The following ERV3-1 variants were observed in gnomAD, a reference collection of about 807,000 sequenced individuals.
The protein encoded by ERV3-1 is endogenous retrovirus group 3 member 1 Env polyprotein.
In ERV3-1, 36 loss-of-function variants were observed where a neutral mutation model predicts 24.6. That is an observed-to-expected ratio of 1.47 (90% CI 1.12 to 1.94). The LOEUF (loss-of-function observed/expected upper bound fraction) is 1.94, where lower values mean the gene tolerates loss of function less well. ERV3-1 is among the 30% of genes most tolerant of loss of function. The probability of loss-of-function intolerance (pLI) is 0.00; values close to 1 mark genes in which losing one functional copy is unlikely to be tolerated. For missense variants in ERV3-1, 578 were observed against 330.9 expected, an observed-to-expected ratio of 1.75 and a Z score of -5.79; for synonymous variants, 211 against 122.6, an observed-to-expected ratio of 1.72 and a Z score of -4.76.
At position 64,993,314 on chromosome 7, in the gene ERV3-1, C is replaced by G. The variant is rs1786328697; in HGVS notation, c.-288G>C. The G allele has an allele frequency of 5.9e-6, 2 of 338,788 alleles. No homozygotes were observed. Among genetic ancestry groups the G allele is most frequent in the East Asian group, 1.1e-4 (2 of 18,490 alleles). The allele number at this position is 338,788 out of a possible 1,614,324, so 21.0% of individuals were successfully genotyped here. On this transcript the variant is annotated 5_prime_UTR_variant, in exon 2 of 2. The change abolishes the stop of an existing upstream ORF in the 5' untranslated region. Coordinates refer to ENST00000394323, the MANE Select transcript of ERV3-1 (RefSeq NM_001007253.4). Reference sequence around the variant, plus strand: ...TGGCACCTTGGTTCCATCGTAGGATCAGCTGGGTTGCATGGTCTAGGTCCT... The same window carrying G: ...TGGCACCTTGGTTCCATCGTAGGATGAGCTGGGTTGCATGGTCTAGGTCCT...
Position 64,993,020 on chromosome 7 carries a change from C to G in ERV3-1, c.7G>C (p.Gly3Arg), listed in dbSNP as rs1786318035. ML[G>R]MNMLLITLFL... ...AAAGTGATGAGTAGCATGTTCATAC[C>G]CAGCATGGACAGAAAAGGCTTTTTC... The change falls in exon 2 of 2, where the codon GGT becomes CGT. Residue 3 changes from glycine (G) to arginine (R), a missense_variant. By Grantham distance (125) the Gly-to-Arg change is moderately radical. Transcript: ENST00000394323. 1.3e-6 allele frequency: 1 copy of G among 744,262 alleles called. No individual in the cohort carries two copies. Among genetic ancestry groups the G allele is most frequent in the Admixed American group, 1.7e-5 (1 of 57,618 alleles). The allele number at this position is 744,262 out of a possible 1,614,324, so 46.1% of individuals were successfully genotyped here.
chr7:64,991,815 T>A lies in ERV3-1; in HGVS notation c.1212A>T (p.Gln404His). ...RFPSLNHSWYQLEAPNTWQAP... is the reference protein window; with the variant it reads ...RFPSLNHSWYHLEAPNTWQAP... ...CCTGCCAGGTATTTGGAGCTTCAAG[T>A]TGGTACCAAGAATGGTTTAAAGATG... Residue 404 changes from glutamine to histidine, a missense_variant, in exon 2 of 2, where the codon CAA (glutamine) becomes CAT (histidine). Transcript: ENST00000394323. 1 of 766,132 alleles carries A rather than the reference T, an allele frequency of 1.3e-6. No individual in the cohort carries two copies. Among genetic ancestry groups the A allele is most frequent in the Non-Finnish European group, 2.4e-6 (1 of 417,880 alleles). The allele number at this position is 766,132 out of a possible 1,614,324, so 47.5% of individuals were successfully genotyped here.
rs751380609 is a variant in ERV3-1, at chr7:64,992,234, A to G, written c.793T>C (p.Leu265=). The G allele has an allele frequency of 1.3e-5, 10 of 766,314 alleles. No homozygotes were observed. The highest frequency in any genetic ancestry group is 2.4e-5 in the Non-Finnish European group (10 of 417,874). The allele number at this position is 766,314 out of a possible 1,614,324, so 47.5% of individuals were successfully genotyped here. The change falls in exon 2 of 2, where the codon TTG becomes CTG. Residue 265 remains leucine (L), a synonymous_variant. Coordinates refer to ENST00000394323, the MANE Select transcript of ERV3-1 (RefSeq NM_001007253.4). ...ESFYEHVNQK[L]PEPPPLASNL... ...CTGGCCAAGGGAGGGGGCTCAGGCA[A>G]TTTCTGGTTAACATGCTCATAGAAT...
At chr7:64,994,635 T>G (rs1313171729) in intron 1 of ERV3-1, among the ~76,000 whole-genome samples, 1 of 152,248 alleles carries the variant, frequency 6.6e-6, no homozygotes, top group Admixed American at 6.5e-5. Context: ...CCATACAGCA[T>G]CTAAGAGCTG....
Position 64,991,351 on chromosome 7 carries a change from G to A in ERV3-1, c.1676C>T (p.Ala559Val). ...QNRLALDYLL[A>V]QEEGVCGKFN... is the part of the protein sequence containing the mutation. ...CTTTCCGCATACTCCCTCTTCCTGGGCTAGGAGGTAGTCTAAGGCCAGTCT... is the reference window on the plus strand; with the variant it reads ...CTTTCCGCATACTCCCTCTTCCTGGACTAGGAGGTAGTCTAAGGCCAGTCT... Residue 559 changes from alanine to valine, a missense_variant, in exon 2 of 2, where the codon GCC (alanine) becomes GTC (valine). Transcript: ENST00000394323. 1.4e-6 allele frequency: 1 copy of A among 704,674 alleles called. No homozygotes were observed. Among genetic ancestry groups the A allele is most frequent in the Admixed American group, 2.0e-5 (1 of 50,026 alleles). The allele number at this position is 704,674 out of a possible 1,614,324, so 43.7% of individuals were successfully genotyped here.
chr7:65,003,310 C>T (rs927276861), intron 1 of ERV3-1, among the ~76,000 whole-genome samples: 4 of 152,100 alleles, frequency 2.6e-5, no homozygotes, highest in South Asian at 4.1e-4. Flanking sequence ...GGTGAAACCT[C>T]GTCTCTACTA....
chr7:65,006,023 T>C (rs1786641477), intron 1 of ERV3-1: 1 of 156,874 alleles, frequency 6.4e-6, no homozygotes, highest in African/African-American at 2.4e-5. Context: ...TTTATAAAAG[T>C]GTTTTCTTCA....
At chr7:65,005,163 C>A in intron 1 of ERV3-1, 1 of 155,210 alleles carries the variant, frequency 6.4e-6, no homozygotes, top group South Asian at 1.9e-4. Flanking sequence ...CTCCCATTCC[C>A]AGATATGCGA....
chr7:64,992,464 A>G lies in ERV3-1; in HGVS notation c.563T>C (p.Leu188Ser), dbSNP rs770374389. 2.6e-6 allele frequency: 2 copies of G among 766,270 alleles called. No individual in the cohort carries two copies. Among genetic ancestry groups the G allele is most frequent in the African/African-American group, 3.4e-5 (2 of 59,186 alleles). 47.5% of individuals were successfully genotyped at this position (766,270 alleles called of 1,614,324 possible). ...LGPIMLTKIP[L>S]EPDCKTSTCN... ...AGTGCTTGTTTTACAATCTGGTTCT[A>G]ATGGTATTTTGGTAAGCATAATTGG... The change falls in exon 2 of 2, where the codon TTA becomes TCA. Residue 188 changes from leucine (L) to serine (S), a missense_variant. By Grantham distance (145) the Leu-to-Ser change is moderately radical (BLOSUM62 -2). Transcript: ENST00000394323.
Position 64,991,085 on chromosome 7 carries a change from T to G in ERV3-1, c.*127A>C. 1.7e-6 allele frequency: 1 copy of G among 590,766 alleles called. No homozygotes were observed. The highest frequency in any genetic ancestry group is 3.0e-6 in the Non-Finnish European group (1 of 331,848). The allele number at this position is 590,766 out of a possible 1,614,324, so 36.6% of individuals were successfully genotyped here. On this transcript the variant is annotated 3_prime_UTR_variant, in exon 2 of 2. Transcript: ENST00000394323. ...AGAGCCTCTATGGCTGTTTGGATAT[T>G]TTTGACAATGAGGGGTAAGAGACAA...
At position 64,991,009 on chromosome 7, in the gene ERV3-1, G is replaced by T; in HGVS notation, c.*203C>A. ...AGGAAGTAGCTCTTTTCTTGGCAGG[G>T]GTTAATACTTAGTTAGGGCCATTAG... On this transcript the variant is annotated 3_prime_UTR_variant, in exon 2 of 2. Transcript: ENST00000394323. The T allele has an allele frequency of 2.2e-6, 1 of 460,934 alleles. No homozygotes were observed. Among genetic ancestry groups the T allele is most frequent in the Non-Finnish European group, 3.8e-6 (1 of 261,250 alleles). The allele number at this position is 460,934 out of a possible 1,614,324, so 28.6% of individuals were successfully genotyped here.
chr7:65,006,479 C>T (rs543671749), intron 1 of ERV3-1, 62 bp downstream of exon 1: 74 of 1,560,092 alleles, frequency 4.7e-5, no homozygotes, highest in Admixed American at 6.7e-5. Flanking sequence ...GCCACAGCCA[C>T]TTCCCACCAG....
chr7:64,995,753 T>C (rs1007407774), intron 1 of ERV3-1, among the ~76,000 whole-genome samples: 1 of 152,266 alleles, frequency 6.6e-6, no homozygotes, highest in East Asian at 1.9e-4. Flanking sequence ...CTCTATACCC[T>C]GCTTTCCATA....
chr7:65,005,600 G>T (rs921742266), intron 1 of ERV3-1, among the ~76,000 whole-genome samples: 1 of 152,176 alleles, frequency 6.6e-6, no homozygotes, highest in Non-Finnish European at 1.5e-5. Flanking sequence ...TTAGGGAGGG[G>T]AAATTGGCAT....
chr7:65,004,775 C>T (rs1222330724), intron 1 of ERV3-1: 2 of 152,110 alleles, frequency 1.3e-5, no homozygotes, highest in Non-Finnish European at 2.9e-5. Flanking sequence ...CAGTGACCAC[C>T]CTCTCCAGAG....
chr7:64,996,094 C>T (rs767837390), intron 1 of ERV3-1, among the ~76,000 whole-genome samples: 1 of 152,112 alleles, frequency 6.6e-6, no homozygotes, highest in Non-Finnish European at 1.5e-5. Flanking sequence ...AGAATAAGTC[C>T]CATTAAAGTA....
At position 64,992,195 on chromosome 7, in the gene ERV3-1, G is replaced by A. The variant is rs749373701; in HGVS notation, c.832C>T (p.Gln278Ter). The part of the protein sequence containing the change: ...PPPLASNLFA[Q>*]LAENIASSLH... ...CTGCTGGCTATGTTTTCAGCCAGTT[G>A]GGCGAATAAATTACTGGCCAAGGGA... The change falls in exon 2 of 2, where the codon CAA becomes TAA. Residue 278 changes from glutamine to a stop codon, truncating the protein, a stop_gained. Coordinates refer to ENST00000394323, the MANE Select transcript of ERV3-1 (RefSeq NM_001007253.4). LOFTEE classifies it high-confidence loss of function. 5.2e-6 allele frequency: 4 copies of A among 766,190 alleles called. No homozygotes were observed. Among genetic ancestry groups the A allele is most frequent in the Non-Finnish European group, 9.6e-6 (4 of 417,896 alleles). The allele number at this position is 766,190 out of a possible 1,614,324, so 47.5% of individuals were successfully genotyped here. A position where few individuals can be genotyped will look rare whatever the true frequency, so the allele number is the denominator to read the frequency against.
chr7:64,992,536 G>A lies in ERV3-1; in HGVS notation c.491C>T (p.Thr164Ile). 1 of 766,406 alleles carries A rather than the reference G, an allele frequency of 1.3e-6. No individual in the cohort carries two copies. Among genetic ancestry groups the A allele is most frequent in the Non-Finnish European group, 2.4e-6 (1 of 417,900 alleles). 47.5% of individuals were successfully genotyped at this position (766,406 alleles called of 1,614,324 possible). A position where few individuals can be genotyped will look rare whatever the true frequency, so the allele number is the denominator to read the frequency against. Residue 164 changes from threonine to isoleucine, a missense_variant, in exon 2 of 2, where the codon ACT becomes ATT. Thr to Ile is a moderately conservative substitution (Grantham distance 89). Transcript: ENST00000394323. ...PACSTDSPVT[T>I]CWDCTTWSTN... ...GGACCACGTTGTGCAGTCCCAGCAA[G>A]TTGTTACTGGGGAATCGGTGGAACA...
intron 1 of ERV3-1, among the ~76,000 whole-genome samples, chr7:64,994,611 AC>A (rs1231103336): frequency 1.3e-5 from 2 of 152,056 alleles, no homozygotes; most frequent in African/African-American, 4.8e-5. Context: ...CATAGCTGCT[AC>A]TTTCTCTGGG....
Sources: gnomAD v4.1 joint callset for allele counts (sites outside exome capture counted in the v4.1 genomes callset) on GRCh38, gnomAD v4.1.1 for gene constraint, MANE v1.5 for transcripts, NCBI Gene and HGNC (gene_info 2026-07-23, HGNC 2026-07-21) for gene names.